The following ZNF532 variants were observed in gnomAD, a reference collection of about 807,000 sequenced individuals.
ZNF532 encodes zinc finger protein 532.
A neutral mutation model predicts 89.3 loss-of-function variants in ZNF532; 22 were observed. The observed-to-expected ratio is 0.25, with a 90% CI of 0.18 to 0.35. ZNF532 has a LOEUF of 0.35. ZNF532 is among the 10% of genes least tolerant of loss of function. The pLI, the probability that ZNF532 is intolerant of heterozygous loss-of-function variation, is 1.00. For synonymous variants in ZNF532, 606 were observed against 649.6 expected, an observed-to-expected ratio of 0.93 and a Z score of 1.02; for missense variants, 1,132 against 1,643.4, an observed-to-expected ratio of 0.69 and a Z score of 5.38.
intron 2 of ZNF532, among the ~76,000 whole-genome samples, chr18:58,875,642 G>A (rs1452862094): frequency 6.6e-6 from 1 of 152,148 alleles, no homozygotes; most frequent in Non-Finnish European, 1.5e-5. Context: ...CAGGTTTGCT[G>A]TGTGCTGGAT....
intron 2 of ZNF532, among the ~76,000 whole-genome samples, chr18:58,903,272 G>A (rs2059716352): frequency 6.6e-6 from 1 of 152,184 alleles, no homozygotes; most frequent in Non-Finnish European, 1.5e-5. Flanking sequence ...ATCCAGAAGG[G>A]CAAACTAAGA....
At chr18:58,885,985 A>AT (rs1015922739) in intron 2 of ZNF532, among the ~76,000 whole-genome samples, 16 of 150,562 alleles carry the variant, frequency 1.1e-4, no homozygotes, top group African/African-American at 2.4e-4. Flanking sequence ...TTATTTCTTT[A>AT]TTTTTTTTTG....
At position 58,978,474 on chromosome 18, in the gene ZNF532, T is replaced by C. The variant is rs114549611; in HGVS notation, c.3151-581T>C. ...TATTATCTTTTCAGTAAAAGATTTA[T>C]ATAATGTTATTTCAAATACCTGGAT... is the stretch of plus-strand genomic sequence containing the variant. On this transcript the variant is annotated intron_variant, in intron 7 of 9. Coordinates refer to ENST00000591808, the MANE Select transcript of ZNF532 (RefSeq NM_001375912.1). Among the ~76,000 whole-genome samples the C allele has an allele frequency of 1.5e-3, 222 of 152,324 alleles. 1 individual carries two copies. Among genetic ancestry groups the C allele is most frequent in the African/African-American group, 5.0e-3 (208 of 41,580 alleles).
chr18:58,922,109 A>C (rs996720184), intron 3 of ZNF532, among the ~76,000 whole-genome samples: 1 of 138,616 alleles, frequency 7.2e-6, no homozygotes, highest in Non-Finnish European at 1.5e-5. Flanking sequence ...CCCTGTCTCC[A>C]AAAAAAAAAA....
At chr18:58,888,769 T>TA (rs2058561576) in intron 2 of ZNF532, among the ~76,000 whole-genome samples, 1 of 65,854 alleles carries the variant, frequency 1.5e-5, no homozygotes, top group South Asian at 4.5e-4. Flanking sequence ...TTAATATATA[T>TA]AATTTATATA....
intron 8 of ZNF532, chr18:58,981,239 A>C (rs1427216605): frequency 1.9e-6 from 1 of 529,088 alleles, no homozygotes. Flanking sequence ...TCATTGTGAA[A>C]ACTTCTTTTG....
In ZNF532 at chr18:58,984,632, AT is replaced by A. The variant is rs1276955210; in HGVS notation, c.*168del. The A allele has an allele frequency of 8.0e-6, 6 of 747,128 alleles. No homozygotes were observed. Among genetic ancestry groups the A allele is most frequent in the African/African-American group, 5.3e-5 (3 of 56,518 alleles). 46.3% of individuals were successfully genotyped at this position (747,128 alleles called of 1,614,324 possible). Reference sequence around the variant, plus strand: ...CTCGTCGTATATATCCTCGATAAGTATTAAAACAGTATTTGAGTTTAAAAGA... The same window carrying A: ...CTCGTCGTATATATCCTCGATAAGTATAAAACAGTATTTGAGTTTAAAAGA... On this transcript the variant is annotated 3_prime_UTR_variant, in exon 10 of 10. Transcript: ENST00000591808.
At chr18:58,967,284 C>T (rs1208609598) in intron 7 of ZNF532, among the ~76,000 whole-genome samples, 1 of 152,186 alleles carries the variant, frequency 6.6e-6, no homozygotes, top group Non-Finnish European at 1.5e-5. Flanking sequence ...CAGAGCATCT[C>T]TTGGAAGTGT....
In ZNF532 at chr18:58,919,635, A is replaced by G. The variant is rs1405798227; in HGVS notation, c.1348A>G (p.Thr450Ala). The G allele has an allele frequency of 2.5e-6, 4 of 1,613,954 alleles. No homozygotes were observed. Among genetic ancestry groups the G allele is most frequent in the African/African-American group, 2.7e-5 (2 of 74,920 alleles). Residue 450 changes from threonine (T) to alanine (A), a missense_variant, in exon 3 of 10, where the codon ACT (threonine) becomes GCT (alanine). Transcript: ENST00000591808. This position sits in a 1 kb window ranked among gnomAD's most constrained non-coding sequence, Gnocchi z 6.1. ...ACAGGTCACAATCAAGCCTGTGGCT[A>G]CTGCTTTCCTCCCAGTGTCTGCTGT... Reference protein sequence around the residue: ...PKQVTIKPVATAFLPVSAVKT... With the variant: ...PKQVTIKPVAAAFLPVSAVKT...
At chr18:58,890,856 C>T (rs73439918) in intron 2 of ZNF532, among the ~76,000 whole-genome samples, 2,512 of 149,718 alleles carry the variant, frequency 0.017, 86 homozygotes, top group African/African-American at 0.058. Context: ...CCTTCTTAAA[C>T]TATTTTTTTA....
At chr18:58,904,577 G>T (rs541643853) in intron 2 of ZNF532, among the ~76,000 whole-genome samples, 40 of 152,180 alleles carry the variant, frequency 2.6e-4, no homozygotes, top group African/African-American at 8.9e-4. Flanking sequence ...GAGAGAGAGA[G>T]AAATAATTTC....
At chr18:58,898,695 G>T (rs17834439) in intron 2 of ZNF532, among the ~76,000 whole-genome samples, 15,361 of 152,190 alleles carry the variant, frequency 0.1, 1,332 homozygotes, top group East Asian at 0.37. Context: ...TGATTTTATC[G>T]TATTCCCTCA....
At chr18:58,905,014 G>C in intron 2 of ZNF532, among the ~76,000 whole-genome samples, 1 of 151,800 alleles carries the variant, frequency 6.6e-6, no homozygotes, top group Non-Finnish European at 1.5e-5. Context: ...GCCAATTTTT[G>C]TATTTTTAGT....
chr18:58,886,185 T>C (rs148552658), intron 2 of ZNF532, among the ~76,000 whole-genome samples: 1,710 of 152,236 alleles, frequency 0.011, 22 homozygotes, highest in Middle Eastern at 0.044. Flanking sequence ...TTCACCACAT[T>C]GGCCAGGCTG....
Position 58,874,555 on chromosome 18 carries a change from G to A in ZNF532, c.-18+8976G>A, listed in dbSNP as rs139676189. On this transcript the variant is annotated intron_variant, in intron 2 of 9. Transcript: ENST00000591808. The stretch of plus-strand genomic sequence containing the variant: ...AGACTGGGTTTCACCATGTCAGGCT[G>A]GTCTTGAACTCCTGACCTCAGGCGA... Among the ~76,000 whole-genome samples the A allele has an allele frequency of 7.2e-3, 1,101 of 152,156 alleles. 7 individuals carry two copies. Among genetic ancestry groups the A allele is most frequent in the African/African-American group, 0.025 (1,030 of 41,508 alleles).
At chr18:58,956,450 TTGAGTG>T (rs1045964030) in intron 7 of ZNF532, among the ~76,000 whole-genome samples, 6 of 152,304 alleles carry the variant, frequency 3.9e-5, no homozygotes, top group African/African-American at 1.4e-4. Context: ...ATGAATGGTG[TTGAGTG>T]TGAGAGTTCC....
At chr18:58,956,934 G>A (rs528642415) in intron 7 of ZNF532, among the ~76,000 whole-genome samples, 17 of 152,068 alleles carry the variant, frequency 1.1e-4, no homozygotes, top group Non-Finnish European at 1.9e-4. Flanking sequence ...TTTGCTTCTC[G>A]TGTACAGTAT....
chr18:58,889,571 A>C (rs1476106080), intron 2 of ZNF532, among the ~76,000 whole-genome samples: 53 of 151,540 alleles, frequency 3.5e-4, no homozygotes, highest in Admixed American at 3.4e-3. Context: ...AGGCTGAGAC[A>C]GGCGGATCAC....
At chr18:58,958,324 A>G (rs1396473593) in intron 7 of ZNF532, among the ~76,000 whole-genome samples, 1 of 152,218 alleles carries the variant, frequency 6.6e-6, no homozygotes, top group Non-Finnish European at 1.5e-5. Flanking sequence ...TGCTTTAGCT[A>G]TTTAAAAAAG....
Sources: allele counts gnomAD v4.1 joint callset (sites outside exome capture counted in the v4.1 genomes callset), GRCh38; gene constraint gnomAD v4.1.1; non-coding constraint Gnocchi (gnomAD v3.1); transcripts MANE v1.5; gene names NCBI Gene and HGNC (gene_info 2026-07-23, HGNC 2026-07-21).